The following MAP2K2 variants were observed in gnomAD, a reference collection of about 807,000 sequenced individuals.
The protein encoded by MAP2K2 is mitogen-activated protein kinase kinase 2, also known as dual specificity mitogen-activated protein kinase kinase 2.
Under a neutral mutation model 43.7 loss-of-function variants are expected in MAP2K2, and 24 were observed. The observed-to-expected ratio is 0.55, with a 90% confidence interval of 0.40 to 0.77. MAP2K2 has a LOEUF of 0.77. MAP2K2 is among the 30% of genes least tolerant of loss of function. The pLI, the probability that MAP2K2 is intolerant of heterozygous loss-of-function variation, is 0.00. For missense variants in MAP2K2, 470 were observed against 566.8 expected (o/e 0.83, Z 1.73); for synonymous variants, 244 against 239.7 (o/e 1.02, Z -0.17).
intron 3 of MAP2K2, among the ~76,000 whole-genome samples, chr19:4,107,251 C>T (rs568113519): frequency 6.6e-6 from 1 of 151,984 alleles, no homozygotes; most frequent in South Asian, 2.1e-4. Context: ...TTGCCGGGCG[C>T]GGTGGCTCAC....
At chr19:4,111,011 T>C (rs2041147613) in intron 2 of MAP2K2, among the ~76,000 whole-genome samples, 1 of 152,136 alleles carries the variant, frequency 6.6e-6, no homozygotes, top group African/African-American at 2.4e-5. Context: ...CCTGAGGATG[T>C]CATGCTTAGT....
chr19:4,098,472 G>A (rs889094107), intron 7 of MAP2K2, among the ~76,000 whole-genome samples: 1 of 152,044 alleles, frequency 6.6e-6, no homozygotes, highest in Admixed American at 6.6e-5. Flanking sequence ...GGGTCCTTTG[G>A]GGTCTGACGC....
intron 2 of MAP2K2, among the ~76,000 whole-genome samples, chr19:4,111,411 C>T (rs1387006440): frequency 6.6e-6 from 1 of 152,212 alleles, no homozygotes; most frequent in Non-Finnish European, 1.5e-5. Context: ...AAAGTGCTTG[C>T]CTTTCCCAGG....
chr19:4,099,096 G>A (rs1257439080), intron 7 of MAP2K2, 105 bp downstream of exon 7: 1 of 946,866 alleles, frequency 1.1e-6, no homozygotes, highest in African/African-American at 1.6e-5. Context: ...CAGGGGGACA[G>A]GTGGTGCGCC....
At chr19:4,113,794 G>A (rs1050439620) in intron 2 of MAP2K2, among the ~76,000 whole-genome samples, 1 of 152,192 alleles carries the variant, frequency 6.6e-6, no homozygotes, top group African/African-American at 2.4e-5. Flanking sequence ...GGAAAAGAGA[G>A]GAAAGAGCTT....
intron 7 of MAP2K2, among the ~76,000 whole-genome samples, chr19:4,098,726 C>G (rs2040956792): frequency 6.6e-6 from 1 of 152,214 alleles, no homozygotes; most frequent in Admixed American, 6.5e-5. Context: ...GTGTCCCCTC[C>G]TGTGTGTGTT....
Position 4,095,178 on chromosome 19 carries a change from CT to C in MAP2K2, c.1046+209del, listed in dbSNP as rs1205409273. On this transcript the variant is annotated intron_variant, in intron 9 of 10. Transcript: ENST00000262948. The stretch of plus-strand genomic sequence containing the variant: ...CAGGGCCTGCAATCCTGCTTCACCC[CT>C]GGGCTCACGGACAGGATGGCATGGC... 3 of 566,800 alleles carry C rather than the reference CT, an allele frequency of 5.3e-6. No homozygotes were observed. In the Admixed American group the frequency reaches 8.9e-5, roughly 17 times the overall value. 35.1% of individuals were successfully genotyped at this position (566,800 alleles called of 1,614,324 possible).
At chr19:4,106,634 T>C (rs999250635) in intron 3 of MAP2K2, among the ~76,000 whole-genome samples, 1 of 152,054 alleles carries the variant, frequency 6.6e-6, no homozygotes, top group African/African-American at 2.4e-5. Context: ...TCTTGAACTC[T>C]TGACCTCGTG....
Position 4,120,587 on chromosome 19 carries a change from G to A in MAP2K2, c.93-2958C>T, listed in dbSNP as rs184570732. Among the ~76,000 whole-genome samples the A allele has an allele frequency of 8.2e-3, 1,255 of 152,318 alleles. 7 individuals are homozygous for A. Among genetic ancestry groups the A allele is most frequent in the Non-Finnish European group, 0.013 (910 of 68,032 alleles). ...CCACCTTGGCCTCCCAAAGGGCTGG[G>A]ATTACAGGCGTGAGCCACCACACCC... On this transcript the variant is annotated intron_variant, in intron 1 of 10. Coordinates refer to ENST00000262948, the MANE Select transcript of MAP2K2 (RefSeq NM_030662.4).
At chr19:4,121,941 T>C (rs1599310996) in intron 1 of MAP2K2, among the ~76,000 whole-genome samples, 1 of 101,366 alleles carries the variant, frequency 9.9e-6, no homozygotes, top group Non-Finnish European at 2.0e-5. Flanking sequence ...TCCTCCCCTC[T>C]CTTCCCTTTT....
At chr19:4,109,852 C>T (rs2041132270) in intron 3 of MAP2K2, among the ~76,000 whole-genome samples, 1 of 152,088 alleles carries the variant, frequency 6.6e-6, no homozygotes, top group Non-Finnish European at 1.5e-5. Context: ...ACAGGTGTGC[C>T]TGCGAGTCAG....
chr19:4,095,325 G>A (rs2040901962), intron 9 of MAP2K2, 63 bp downstream of exon 9: 2 of 1,476,918 alleles, frequency 1.4e-6, no homozygotes, highest in Non-Finnish European at 1.8e-6. Context: ...CCCCACCCAG[G>A]ACCCGGAAGG....
chr19:4,104,470 T>G (rs1463252856), intron 3 of MAP2K2, among the ~76,000 whole-genome samples: 1 of 151,946 alleles, frequency 6.6e-6, no homozygotes, highest in Non-Finnish European at 1.5e-5. Flanking sequence ...GGAGGATCCC[T>G]TGAACCTGGG....
chr19:4,122,764 G>A (rs141066497), intron 1 of MAP2K2, among the ~76,000 whole-genome samples: 120 of 148,712 alleles, frequency 8.1e-4, no homozygotes, highest in East Asian at 3.6e-3. Context: ...TTCAGGGACC[G>A]TTCACCCCAT....
At chr19:4,117,302 G>A in intron 2 of MAP2K2, 117 bp downstream of exon 2, 1 of 1,007,572 alleles carries the variant, frequency 9.9e-7, no homozygotes, top group Admixed American at 2.0e-5. Context: ...TGGGGATGAG[G>A]GACAGAGCCT....
At chr19:4,111,467 G>T (rs1485892372) in intron 2 of MAP2K2, among the ~76,000 whole-genome samples, 1 of 152,144 alleles carries the variant, frequency 6.6e-6, no homozygotes, top group Non-Finnish European at 1.5e-5. Context: ...CTCCACTTGG[G>T]GTGGGTCTAT....
Position 4,115,080 on chromosome 19 carries a change from A to G in MAP2K2, c.303+2339T>C, listed in dbSNP as rs779840532. ...TTTTCGGGCACTTTAAAGAAAACCT[A>G]ATTTTGAAAGAATTATAGAAGCACA... is the stretch of plus-strand genomic sequence containing the variant. On this transcript the variant is annotated intron_variant, in intron 2 of 10. Coordinates refer to ENST00000262948, the MANE Select transcript of MAP2K2 (RefSeq NM_030662.4). This position sits in a 1 kb window ranked among gnomAD's most constrained non-coding sequence, Gnocchi z 4.1. Among the ~76,000 whole-genome samples, 42 of 152,170 alleles carry G rather than the reference A, an allele frequency of 2.8e-4. No individual in the cohort carries two copies. The highest frequency in any genetic ancestry group is 5.1e-4 in the Non-Finnish European group (35 of 68,022).
intron 9 of MAP2K2, 113 bp from the exon 10 acceptor site, chr19:4,094,611 T>C: frequency 6.0e-6 from 6 of 996,922 alleles, no homozygotes; most frequent in Non-Finnish European, 9.3e-6. Context: ...GGCCTGGATC[T>C]CTCCGACCAG....
chr19:4,114,855 G>A (rs555193439), intron 2 of MAP2K2, among the ~76,000 whole-genome samples: 130 of 152,304 alleles, frequency 8.5e-4, no homozygotes, highest in Admixed American at 1.4e-3. Flanking sequence ...GCTTGAACCT[G>A]TGAGGTGGAG....
Sources: gnomAD v4.1 joint callset for allele counts (sites outside exome capture counted in the v4.1 genomes callset) on GRCh38, gnomAD v4.1.1 for gene constraint, Gnocchi (gnomAD v3.1) non-coding constraint, MANE v1.5 for transcripts, NCBI Gene and HGNC (gene_info 2026-07-23, HGNC 2026-07-21) for gene names.